MAST1: variants seen among roughly 807,000 people sequenced by gnomAD.
MAST1 encodes the protein microtubule-associated serine/threonine-protein kinase 1.
In MAST1, 40 loss-of-function variants were observed where a neutral mutation model predicts 124.6. That is an observed-to-expected ratio of 0.32 (90% CI 0.25 to 0.42). The LOEUF (loss-of-function observed/expected upper bound fraction) is 0.42, where lower values mean the gene tolerates loss of function less well. MAST1 is among the 10% of genes least tolerant of loss of function. MAST1 has a pLI of 1.00. For missense variants in MAST1, 1,558 were observed against 2,181.9 expected, an observed-to-expected ratio of 0.71 and a Z score of 5.70; for synonymous variants, 938 against 939.4, an observed-to-expected ratio of 1.00 and a Z score of 0.03.
In MAST1 at chr19:12,874,658, C is replaced by T. The variant is rs780237565; in HGVS notation, c.4501C>T (p.Pro1501Ser). 79 of 1,535,346 alleles carry T rather than the reference C, an allele frequency of 5.1e-5. No individual in the cohort carries two copies. The highest frequency in any genetic ancestry group is 6.6e-5 in the Non-Finnish European group (75 of 1,137,738). The change falls in exon 26 of 26, where the codon CCA becomes TCA. Residue 1501 changes from proline (P) to serine (S), a missense_variant. By Grantham distance (74) the Pro-to-Ser change is moderately conservative. This residue lies in a region of MAST1 where 168 missense variants were observed against 154.3 expected (regional missense o/e 1.09). Transcript: ENST00000251472. This position sits in a 1 kb window ranked among gnomAD's most constrained non-coding sequence, Gnocchi z 6.6. ...CGGTCCTCGCTCCAAGCCCGCCTCCCCAAAGCTCTCCCCGGAGCCCCAGAC... is the reference window on the plus strand; with the variant it reads ...CGGTCCTCGCTCCAAGCCCGCCTCCTCAAAGCTCTCCCCGGAGCCCCAGAC... ...LSGPRSKPASPKLSPEPQTPS... is the reference protein window; with the variant it reads ...LSGPRSKPASSKLSPEPQTPS...
At chr19:12,869,578 C>G (rs1255247361) in intron 22 of MAST1, among the ~76,000 whole-genome samples, 1 of 152,082 alleles carries the variant, frequency 6.6e-6, no homozygotes, top group African/African-American at 2.4e-5. Flanking sequence ...GGACTACAGA[C>G]AGGCGCGCGC....
chr19:12,859,119 A>T (rs1347184728), intron 12 of MAST1, among the ~76,000 whole-genome samples: 1 of 151,974 alleles, frequency 6.6e-6, no homozygotes, highest in Non-Finnish European at 1.5e-5. Context: ...TTGCTCTGTC[A>T]CCCAGGCTGC....
Position 12,841,974 on chromosome 19 carries a change from G to C in MAST1, c.248+908G>C, listed in dbSNP as rs1410918038. ...GGGAGGACTGAGCGAGGGGACTGCT[G>C]GGAGGAAGAAGGAAGGGAGGAGTCC... On this transcript the variant is annotated intron_variant, in intron 3 of 25. Transcript: ENST00000251472. This position sits in a 1 kb window ranked among gnomAD's most constrained non-coding sequence, Gnocchi z 4.3. 6.6e-6 allele frequency among the ~76,000 whole-genome samples: 1 copy of C among 152,196 alleles called. No individual in the cohort carries two copies. The highest frequency in any genetic ancestry group is 6.5e-5 in the Admixed American group (1 of 15,280).
chr19:12,856,140 A>G (rs979420923), intron 10 of MAST1, among the ~76,000 whole-genome samples: 1 of 152,128 alleles, frequency 6.6e-6, no homozygotes, highest in African/African-American at 2.4e-5. Context: ...ATTTTTATAT[A>G]TCATAGATCT....
chr19:12,843,666 C>T lies in MAST1; in HGVS notation c.327+59C>T. 2 of 1,493,954 alleles carry T rather than the reference C, an allele frequency of 1.3e-6. No individual in the cohort carries two copies. The highest frequency in any genetic ancestry group is 1.4e-5 in the African/African-American group (1 of 72,348). The allele number at this position is 1,493,954 out of a possible 1,614,324, so 92.5% of individuals were successfully genotyped here. A position where few individuals can be genotyped will look rare whatever the true frequency, so the allele number is the denominator to read the frequency against. ...GTAAGGAATTCAGGGGCCCTCCAGC[C>T]TGAAGACCCACACCCAGGCCAGCAG... On this transcript the variant is annotated intron_variant, in intron 4 of 25. Coordinates refer to ENST00000251472, the MANE Select transcript of MAST1 (RefSeq NM_014975.3). This position sits in a 1 kb window ranked among gnomAD's most constrained non-coding sequence, Gnocchi z 4.9.
At chr19:12,855,278 T>C (rs1218553177) in intron 10 of MAST1, among the ~76,000 whole-genome samples, 3 of 151,910 alleles carry the variant, frequency 2.0e-5, no homozygotes, top group African/African-American at 7.2e-5. Context: ...AATATAAAAA[T>C]TGAAAGATTT....
intron 12 of MAST1, among the ~76,000 whole-genome samples, chr19:12,863,924 CTT>C (rs3064382): frequency 9.1e-5 from 12 of 131,956 alleles, no homozygotes; most frequent in Middle Eastern, 3.5e-3. Context: ...CTACAAAAAA[CTT>C]TTTTTTTTTT....
chr19:12,861,900 A>T (rs1970088411), intron 12 of MAST1, among the ~76,000 whole-genome samples: 1 of 150,900 alleles, frequency 6.6e-6, no homozygotes, highest in South Asian at 2.1e-4. Flanking sequence ...ATGGGGTTTC[A>T]TCATGTTGGT....
Position 12,874,916 on chromosome 19 carries a change from T to C in MAST1, c.*46T>C. The C allele has an allele frequency of 1.3e-6, 2 of 1,548,868 alleles. No individual in the cohort carries two copies. Among genetic ancestry groups the C allele is most frequent in the Non-Finnish European group, 1.7e-6 (2 of 1,151,430 alleles). On this transcript the variant is annotated 3_prime_UTR_variant, in exon 26 of 26. Coordinates refer to ENST00000251472, the MANE Select transcript of MAST1 (RefSeq NM_014975.3). The surrounding 1 kb of genome is among the most constrained non-coding windows in gnomAD (Gnocchi z 6.6). ...GCGCTGTACAGCCTCCGTATACATATGTACACATATAAATAAAGTGCGTCC... is the reference window on the plus strand; with the variant it reads ...GCGCTGTACAGCCTCCGTATACATACGTACACATATAAATAAAGTGCGTCC...
At chr19:12,845,411 CAAAAAAAAA>C (rs540488398) in intron 4 of MAST1, among the ~76,000 whole-genome samples, 3 of 69,142 alleles carry the variant, frequency 4.3e-5, no homozygotes, top group Admixed American at 3.7e-4. Context: ...CCTGTTTCTA[CAAAAAAAAA>C]AAAAAAAAAA....
At chr19:12,858,785 TGGTC>T (rs1970046474) in intron 12 of MAST1, 46 bp downstream of exon 12, 1 of 1,602,992 alleles carries the variant, frequency 6.2e-7, no homozygotes, top group Non-Finnish European at 8.5e-7. Flanking sequence ...CCGTGCTCAC[TGGTC>T]AGGGCTGCGG....
chr19:12,858,803 G>A, intron 12 of MAST1, 64 bp downstream of exon 12: 1 of 1,554,338 alleles, frequency 6.4e-7, no homozygotes, highest in South Asian at 1.1e-5. Context: ...GCTGCGGGGT[G>A]GCCTGCCTGA....
Position 12,869,302 on chromosome 19 carries a change from AC to A in MAST1, c.3003+8del, listed in dbSNP as rs1253479448. 1 of 1,608,912 alleles carries A rather than the reference AC, an allele frequency of 6.2e-7. No individual in the cohort carries two copies. The highest frequency in any genetic ancestry group is 8.5e-7 in the Non-Finnish European group (1 of 1,176,702). On this transcript the variant is annotated splice_region_variant and intron_variant, in intron 22 of 25. Transcript: ENST00000251472. Reference sequence around the variant, plus strand: ...TGTCCACCACATTGTCTGGGTGAGTACTCATGGGTGGAGTCTCCATCACAGA... The same window carrying A: ...TGTCCACCACATTGTCTGGGTGAGTATCATGGGTGGAGTCTCCATCACAGA...
rs757840142 is a variant in MAST1, at chr19:12,873,411, G to A, written c.3351G>A (p.Ser1117=). 1.2e-6 allele frequency: 2 copies of A among 1,613,874 alleles called. No homozygotes were observed. Among genetic ancestry groups the A allele is most frequent in the South Asian group, 2.2e-5 (2 of 91,086 alleles). The change falls in exon 25 of 26, where the codon TCG becomes TCA. Residue 1117 remains serine (S), a synonymous_variant. Coordinates refer to ENST00000251472, the MANE Select transcript of MAST1 (RefSeq NM_014975.3). The part of the protein sequence containing the change: ...TSRSLSSLNR[S]LSSSDSLPGS... ...GCTCGCTGTCGTCGCTGAACCGCTC[G>A]CTGTCATCCAGCGATAGTCTCCCGG...
intron 22 of MAST1, among the ~76,000 whole-genome samples, chr19:12,869,736 G>T (rs1018069102): frequency 6.6e-6 from 1 of 151,500 alleles, no homozygotes; most frequent in Non-Finnish European, 1.5e-5. Context: ...GTGCCTGGCC[G>T]AGACTGTTTC....
In MAST1 at chr19:12,858,394, G is replaced by C; in HGVS notation, c.1110G>C (p.Gly370=). The C allele has an allele frequency of 6.2e-7, 1 of 1,613,968 alleles. No homozygotes were observed. Among genetic ancestry groups the C allele is most frequent in the Non-Finnish European group, 8.5e-7 (1 of 1,179,972 alleles). ...GCAGCAAGGCCAAGAAACCGCCGGG[G>C]GAGAATGACTTCGATACCATCAAGC... The part of the protein sequence containing the change: ...GRSSKAKKPP[G]ENDFDTIKLI... The change falls in exon 11 of 26, where the codon GGG becomes GGC. Residue 370 remains glycine (G), a synonymous_variant. Coordinates refer to ENST00000251472, the MANE Select transcript of MAST1 (RefSeq NM_014975.3).
At position 12,867,655 on chromosome 19, in the gene MAST1, G is replaced by A; in HGVS notation, c.2318+3G>A. The A allele has an allele frequency of 1.3e-6, 2 of 1,581,232 alleles. No individual in the cohort carries two copies. The highest frequency in any genetic ancestry group is 1.1e-5 in the South Asian group (1 of 87,558). On this transcript the variant is annotated splice_donor_region_variant and intron_variant, in intron 19 of 25. Transcript: ENST00000251472. ...TGGAGAGGGGGCTCTCCGGAGATGT[G>A]AGCAGGGGAATGGCGGAGTTTGGGG...
intron 10 of MAST1, among the ~76,000 whole-genome samples, chr19:12,856,115 G>T (rs1202891622): frequency 6.6e-6 from 1 of 151,750 alleles, no homozygotes; most frequent in African/African-American, 2.4e-5. Flanking sequence ...ATTCTTTGGA[G>T]CATATAAGTT....
Position 12,858,600 on chromosome 19 carries a change from C to T in MAST1, c.1227C>T (p.Asn409=). The T allele has an allele frequency of 6.2e-7, 1 of 1,614,280 alleles. No individual in the cohort carries two copies. The highest frequency in any genetic ancestry group is 8.5e-7 in the Non-Finnish European group (1 of 1,180,052). Residue 409 remains asparagine, a synonymous_variant, in exon 12 of 26, where the codon AAC becomes AAT. Transcript: ENST00000251472. The part of the protein sequence containing the change: ...RFAMKKINKQ[N]LILRNQIQQA... ...CCATGAAAAAGATCAACAAGCAGAA[C>T]TTGATCCTCCGCAACCAGATCCAGC...
Sources: allele counts gnomAD v4.1 joint callset (sites outside exome capture counted in the v4.1 genomes callset), GRCh38; gene constraint gnomAD v4.1.1; regional missense constraint gnomAD v4.1.1; non-coding constraint Gnocchi (gnomAD v3.1); transcripts MANE v1.5; gene names NCBI Gene and HGNC (gene_info 2026-07-23, HGNC 2026-07-21).